Variants in CDYL observed in about 807,000 individuals in gnomAD.
The protein encoded by CDYL is chromodomain Y-like protein.
CDYL carries 8 observed loss-of-function variants against 47.3 expected under a neutral mutation model. The observed-to-expected ratio is 0.17, with a 90% CI of 0.10 to 0.31. The LOEUF is 0.31. CDYL is among the 10% of genes least tolerant of loss of function. CDYL has a pLI of 1.00. For missense variants in CDYL, 471 were observed against 701.4 expected (o/e 0.67, Z 3.71); for synonymous variants, 266 against 265.0 (o/e 1.00, Z -0.04).
chr6:4,903,241 G>A (rs146151941), intron 2 of CDYL, among the ~76,000 whole-genome samples: 56 of 152,242 alleles, frequency 3.7e-4, no homozygotes, highest in Non-Finnish European at 7.1e-4. Flanking sequence ...GTGCTCCTGC[G>A]CCATGTCCCT....
intron 3 of CDYL, among the ~76,000 whole-genome samples, chr6:4,748,541 G>A (rs1582307788): frequency 6.6e-6 from 1 of 152,016 alleles, no homozygotes; most frequent in South Asian, 2.1e-4. Context: ...GAGATTCCAG[G>A]GAAGTTCGGG....
upstream of CDYL, chr6:4,773,174 G>A (rs762022496): frequency 4.4e-6 from 2 of 457,316 alleles, no homozygotes; most frequent in Non-Finnish European, 8.8e-6. The surrounding 1 kb of genome is among the most constrained non-coding windows in gnomAD (Gnocchi z 4.6). Context: ...ACGGGAGCAG[G>A]TCAGGTAAGA....
At chr6:4,900,779 G>GTGTGTGTGTGTGTA in intron 2 of CDYL, among the ~76,000 whole-genome samples, 2 of 51,720 alleles carry the variant, frequency 3.9e-5, no homozygotes, top group African/African-American at 1.3e-4. Context: ...GTATACGTGT[G>GTGTGTGTGTGTGTA]TATATATATA....
rs1758840661 is a variant in CDYL, at chr6:4,955,458, A to G, written c.*1402A>G. On this transcript the variant is annotated 3_prime_UTR_variant, in exon 7 of 7. Transcript: ENST00000397588. ...CTTTTCGTTCAGTAGTTTGAACTAT[A>G]TATAAACTGTACAATCTGTAAAGTT... The G allele has an allele frequency of 2.0e-5, 3 of 152,686 alleles. No homozygotes were observed. Among genetic ancestry groups the G allele is most frequent in the Non-Finnish European group, 4.4e-5 (3 of 68,058 alleles). 9.5% of individuals were successfully genotyped at this position (152,686 alleles called of 1,614,324 possible).
At chr6:4,855,413 C>T (rs1760977073) in intron 1 of CDYL, among the ~76,000 whole-genome samples, 1 of 152,170 alleles carries the variant, frequency 6.6e-6, no homozygotes. Flanking sequence ...ACCTCATCCT[C>T]TGGAGTAGCC....
intron 1 of CDYL, among the ~76,000 whole-genome samples, chr6:4,856,418 T>G (rs769211856): frequency 2.0e-5 from 3 of 152,072 alleles, no homozygotes; most frequent in Non-Finnish European, 4.4e-5. Flanking sequence ...GCACAGTCCC[T>G]GAATGAGACA....
rs1360388566 is a variant in CDYL, at chr6:4,895,415, ATATATGCATGTATACATG to A, written c.691+3041_691+3058del. Among the ~76,000 whole-genome samples, 43 of 5,702 alleles carry A rather than the reference ATATATGCATGTATACATG, an allele frequency of 7.5e-3. 19 individuals are homozygous for A. In the Admixed American group the frequency reaches 0.12, roughly 16 times the overall value. The allele number at this position is 5,702 out of a possible 152,430, so 3.7% of individuals were successfully genotyped here. A position where few individuals can be genotyped will look rare whatever the true frequency, so the allele number is the denominator to read the frequency against. ...TATATGCATGTATACATGTATACGT[ATATATGCATGTATACATG>A]TATACGTATATATGCATATATACAT... On this transcript the variant is annotated intron_variant, in intron 2 of 6. Coordinates refer to ENST00000397588, the MANE Select transcript of CDYL (RefSeq NM_004824.4).
At chr6:4,714,045 G>A (rs1757206567) in intron 1 of CDYL, 1 of 152,170 alleles carries the variant, frequency 6.6e-6, no homozygotes, top group Non-Finnish European at 1.5e-5. Flanking sequence ...ATCATCTCAT[G>A]CTTACGGGAC....
chr6:4,797,626 C>T (rs551547629), intron 1 of CDYL, among the ~76,000 whole-genome samples: 20 of 152,276 alleles, frequency 1.3e-4, no homozygotes, highest in African/African-American at 4.3e-4. Context: ...CCCCTGGCAA[C>T]CATGAATCCA....
intron 3 of CDYL, among the ~76,000 whole-genome samples, chr6:4,745,663 C>A (rs1757880862): frequency 6.6e-6 from 1 of 152,198 alleles, no homozygotes; most frequent in Middle Eastern, 3.2e-3. Context: ...AGAAGTGTCA[C>A]CAGGGTCAAA....
chr6:4,850,377 CTT>C (rs1172533104), intron 1 of CDYL, among the ~76,000 whole-genome samples: 1 of 152,192 alleles, frequency 6.6e-6, no homozygotes, highest in Non-Finnish European at 1.5e-5. Flanking sequence ...AGTTTGGTGA[CTT>C]TTGTCAATTA....
intron 1 of CDYL, among the ~76,000 whole-genome samples, chr6:4,792,197 T>C (rs1302619098): frequency 6.6e-6 from 1 of 151,812 alleles, no homozygotes; most frequent in Non-Finnish European, 1.5e-5. Context: ...TGGCCAGGAA[T>C]TGTAGAATTT....
At chr6:4,829,397 A>G (rs1760070604) in intron 1 of CDYL, among the ~76,000 whole-genome samples, 1 of 152,216 alleles carries the variant, frequency 6.6e-6, no homozygotes, top group Admixed American at 6.5e-5. Flanking sequence ...GCCTGGAGCT[A>G]AGCAAACAAA....
rs572015518 is a variant in CDYL at position 4,897,395 on chromosome 6, G to A, written c.691+5016G>A. 9.9e-4 allele frequency among the ~76,000 whole-genome samples: 151 copies of A among 152,300 alleles called. 1 individual carries two copies. The highest frequency in any genetic ancestry group is 1.9e-3 in the South Asian group (9 of 4,834). Reference sequence around the variant, plus strand: ...CATTTCATGAGCATTTCAACCAAAGGAAACTCCTAAGAGAAAGTGTTGAGG... The same window carrying A: ...CATTTCATGAGCATTTCAACCAAAGAAAACTCCTAAGAGAAAGTGTTGAGG... On this transcript the variant is annotated intron_variant, in intron 2 of 6. Coordinates refer to ENST00000397588, the MANE Select transcript of CDYL (RefSeq NM_004824.4).
At chr6:4,831,347 A>T (rs1288685455) in intron 1 of CDYL, among the ~76,000 whole-genome samples, 1 of 152,112 alleles carries the variant, frequency 6.6e-6, no homozygotes, top group African/African-American at 2.4e-5. Context: ...TCCTTTCCCC[A>T]TTGCTTGTTT....
intron 3 of CDYL, among the ~76,000 whole-genome samples, chr6:4,738,201 C>A (rs1412718940): frequency 6.6e-6 from 1 of 152,092 alleles, no homozygotes; most frequent in Non-Finnish European, 1.5e-5. Flanking sequence ...CATGGTGAAA[C>A]CCCATCTCTA....
chr6:4,733,749 C>T (rs1007886787), intron 2 of CDYL, among the ~76,000 whole-genome samples: 1 of 152,154 alleles, frequency 6.6e-6, no homozygotes, highest in Admixed American at 6.5e-5. Context: ...GCCAGGCTTG[C>T]AGTCCCTGTT....
chr6:4,929,810 T>C (rs1191786135), intron 2 of CDYL, among the ~76,000 whole-genome samples: 1 of 152,200 alleles, frequency 6.6e-6, no homozygotes, highest in Non-Finnish European at 1.5e-5. Flanking sequence ...AATACCATCA[T>C]CTCTCATTTT....
At chr6:4,849,705 C>A (rs917431278) in intron 1 of CDYL, among the ~76,000 whole-genome samples, 1 of 150,144 alleles carries the variant, frequency 6.7e-6, no homozygotes, top group Non-Finnish European at 1.5e-5. Flanking sequence ...AAAGTCTCTT[C>A]CTTCCAAATT....
Sources: gnomAD v4.1 joint callset for allele counts (sites outside exome capture counted in the v4.1 genomes callset) on GRCh38, gnomAD v4.1.1 for gene constraint, Gnocchi (gnomAD v3.1) non-coding constraint, MANE v1.5 for transcripts, NCBI Gene and HGNC (gene_info 2026-07-23, HGNC 2026-07-21) for gene names.